PTPRT: variants seen among roughly 807,000 people sequenced by gnomAD.
PTPRT encodes the protein protein tyrosine phosphatase receptor type T.
In PTPRT, 56 loss-of-function variants were observed where a neutral mutation model predicts 176.8. That is an observed-to-expected ratio of 0.32 (90% CI 0.26 to 0.40). PTPRT has a LOEUF of 0.40. Among genes scored for constraint, PTPRT ranks in the 10% least tolerant of loss-of-function variants. The probability of loss-of-function intolerance (pLI) is 1.00; values close to 1 mark genes in which losing one functional copy is unlikely to be tolerated. For missense variants in PTPRT, 1,540 were observed against 1,908.2 expected (o/e 0.81, Z 3.60); for synonymous variants, 783 against 739.0 (o/e 1.06, Z -0.96).
chr20:43,042,130 G>T (rs921039372), intron 1 of PTPRT, among the ~76,000 whole-genome samples: 1 of 152,150 alleles, frequency 6.6e-6, no homozygotes. Context: ...CATGTTAAAG[G>T]CCTGGTGCAC....
chr20:42,544,566 A>T (rs1472344365), intron 7 of PTPRT, among the ~76,000 whole-genome samples: 1 of 152,134 alleles, frequency 6.6e-6, no homozygotes, highest in Non-Finnish European at 1.5e-5. Flanking sequence ...AGCATATCAC[A>T]GATATGTAAG....
chr20:42,083,118 CA>C (rs3084622), intron 29 of PTPRT, among the ~76,000 whole-genome samples: 7,053 of 60,026 alleles, frequency 0.12, 296 homozygotes, highest in East Asian at 0.24. Context: ...GACACTAGTG[CA>C]AAAAAAAAAA....
intron 9 of PTPRT, among the ~76,000 whole-genome samples, chr20:42,376,992 T>C (rs550094776): frequency 6.6e-6 from 1 of 152,298 alleles, no homozygotes; most frequent in African/African-American, 2.4e-5. Flanking sequence ...GGTGATAGTT[T>C]GGATCGTGTA....
chr20:42,125,541 G>T (rs1039012371), intron 19 of PTPRT, among the ~76,000 whole-genome samples: 1 of 152,196 alleles, frequency 6.6e-6, no homozygotes, highest in East Asian at 1.9e-4. Context: ...GAAGAAGGTC[G>T]TGGTGTGTCC....
intron 23 of PTPRT, among the ~76,000 whole-genome samples, chr20:42,109,794 C>A (rs916059901): frequency 4.6e-5 from 7 of 152,228 alleles, no homozygotes; most frequent in Non-Finnish European, 8.8e-5. Context: ...ACAGACCCAG[C>A]AGATGCTGCC....
At chr20:42,257,565 C>T (rs1343870562) in intron 13 of PTPRT, among the ~76,000 whole-genome samples, 2 of 150,470 alleles carry the variant, frequency 1.3e-5, no homozygotes, top group African/African-American at 4.9e-5. Flanking sequence ...TAGCACCATC[C>T]CCTTTGGTAC....
chr20:42,990,918 T>A (rs1334791093), intron 1 of PTPRT, among the ~76,000 whole-genome samples: 5 of 152,152 alleles, frequency 3.3e-5, no homozygotes, highest in Non-Finnish European at 7.4e-5. Context: ...TGGACAGTAT[T>A]GATCAGAAAG....
intron 15 of PTPRT, among the ~76,000 whole-genome samples, chr20:42,234,631 T>C (rs138193695): frequency 1.4e-4 from 21 of 152,370 alleles, no homozygotes; most frequent in African/African-American, 3.4e-4. Flanking sequence ...ACGTTTCTAA[T>C]AGGTGACGTT....
Position 43,015,341 on chromosome 20 carries a change from C to T in PTPRT, c.89-129409G>A, listed in dbSNP as rs138405108. On this transcript the variant is annotated intron_variant, in intron 1 of 30. Coordinates refer to ENST00000373187, the MANE Select transcript of PTPRT (RefSeq NM_007050.6). ...ATTCCTATCTTTTCGGCCAAACTTACAAAACAGAACATAGTAGGTGTGCAA... is the reference window on the plus strand; with the variant it reads ...ATTCCTATCTTTTCGGCCAAACTTATAAAACAGAACATAGTAGGTGTGCAA... Among the ~76,000 whole-genome samples, 378 of 152,322 alleles carry T rather than the reference C, an allele frequency of 2.5e-3. 2 individuals are homozygous for T. The highest frequency in any genetic ancestry group is 8.9e-3 in the African/African-American group (368 of 41,578).
intron 13 of PTPRT, among the ~76,000 whole-genome samples, chr20:42,269,689 C>T (rs1439106384): frequency 6.6e-6 from 1 of 152,204 alleles, no homozygotes; most frequent in Non-Finnish European, 1.5e-5. Flanking sequence ...GTACCCATGG[C>T]AGCTCCTTCG....
chr20:43,154,878 A>G (rs190427268), intron 1 of PTPRT, among the ~76,000 whole-genome samples: 1 of 152,366 alleles, frequency 6.6e-6, no homozygotes, highest in East Asian at 1.9e-4. Context: ...TGATTTTAAA[A>G]TGAGCAAAAG....
chr20:42,107,448 G>C (rs1986569756), intron 23 of PTPRT, among the ~76,000 whole-genome samples: 1 of 152,208 alleles, frequency 6.6e-6, no homozygotes, highest in African/African-American at 2.4e-5. Flanking sequence ...TGGAGCAGCT[G>C]ACCGTCCGGA....
intron 1 of PTPRT, among the ~76,000 whole-genome samples, chr20:43,137,080 A>G (rs2013855322): frequency 6.6e-6 from 1 of 152,118 alleles, no homozygotes; most frequent in South Asian, 2.1e-4. Flanking sequence ...TCTACCTGTG[A>G]CTACTCAGGT....
intron 6 of PTPRT, among the ~76,000 whole-genome samples, chr20:42,709,732 G>C (rs1313037623): frequency 3.3e-5 from 5 of 152,148 alleles, no homozygotes; most frequent in Non-Finnish European, 2.9e-5. Context: ...GGAAGAGTTT[G>C]GAGATTTCAG....
chr20:42,766,846 G>C (rs1468530002), intron 5 of PTPRT, among the ~76,000 whole-genome samples: 1 of 152,222 alleles, frequency 6.6e-6, no homozygotes, highest in African/African-American at 2.4e-5. Context: ...AAATTCCTCA[G>C]CATATCTCAG....
intron 7 of PTPRT, among the ~76,000 whole-genome samples, chr20:42,659,491 G>A (rs928965392): frequency 1.3e-5 from 2 of 152,126 alleles, no homozygotes; most frequent in Non-Finnish European, 2.9e-5. Flanking sequence ...TACCAGATGC[G>A]CCAGCCAGAC....
intron 15 of PTPRT, among the ~76,000 whole-genome samples, chr20:42,202,598 AGT>A (rs1207065415): frequency 6.6e-6 from 1 of 152,212 alleles, no homozygotes; most frequent in Non-Finnish European, 1.5e-5. Flanking sequence ...ATCAAAAAGG[AGT>A]GTGTTTAAAA....
At chr20:42,037,705 C>T in the PTPRT span, among the ~76,000 whole-genome samples, 35 of 152,116 alleles carry the variant, frequency 2.3e-4, 2 homozygotes, top group Non-Finnish European at 2.5e-4. Flanking sequence ...TGAAATGTGC[C>T]GGTGGTTGAG....
At chr20:42,081,068 CA>C in intron 30 of PTPRT, 136 bp from the exon 31 acceptor site, 2 of 658,626 alleles carry the variant, frequency 3.0e-6, no homozygotes, top group Non-Finnish European at 5.1e-6. Flanking sequence ...TATGTCAACT[CA>C]AAATTACCCA....
Sources: allele counts gnomAD v4.1 joint callset (sites outside exome capture counted in the v4.1 genomes callset), GRCh38; gene constraint gnomAD v4.1.1; transcripts MANE v1.5; gene names NCBI Gene and HGNC (gene_info 2026-07-23, HGNC 2026-07-21).